The following NUDT19 variants were observed in gnomAD, a reference collection of about 807,000 sequenced individuals.
NUDT19 encodes nudix hydrolase 19, also known as acyl-coenzyme A diphosphatase NUDT19.
In NUDT19, 31 loss-of-function variants were observed where a neutral mutation model predicts 22.2. The observed-to-expected ratio is 1.40, with a 90% confidence interval of 1.05 to 1.89. The LOEUF (loss-of-function observed/expected upper bound fraction) is 1.89. Among genes scored for constraint, NUDT19 ranks in the 40% most tolerant of loss-of-function variants. NUDT19 has a pLI of 0.00. For missense variants in NUDT19, 752 were observed against 514.2 expected (o/e 1.46, Z -4.47); for synonymous variants, 325 against 230.8 (o/e 1.41, Z -3.70).
In NUDT19 at chr19:32,696,159, G is replaced by A. The variant is rs565055168; in HGVS notation, c.714+3485G>A. Among the ~76,000 whole-genome samples, 7 of 152,348 alleles carry A rather than the reference G, an allele frequency of 4.6e-5. No homozygotes were observed. In the South Asian group the frequency reaches 6.2e-4, roughly 14 times the overall value. On this transcript the variant is annotated intron_variant, in intron 1 of 2. Coordinates refer to ENST00000397061, the MANE Select transcript of NUDT19 (RefSeq NM_001105570.2). ...AGTGGCAGGGCTGAGGGCCACACAT[G>A]TATGCACTTGAAGCACTGGTCACTC...
In NUDT19 at chr19:32,692,015, G is replaced by A. The variant is rs1968187256; in HGVS notation, c.55G>A (p.Val19Ile). 7.9e-7 allele frequency: 1 copy of A among 1,257,918 alleles called. No individual in the cohort carries two copies. Among genetic ancestry groups the A allele is most frequent in the Non-Finnish European group, 9.9e-7 (1 of 1,005,878 alleles). 77.9% of individuals were successfully genotyped at this position (1,257,918 alleles called of 1,614,324 possible). A position where few individuals can be genotyped will look rare whatever the true frequency, so the allele number is the denominator to read the frequency against. ...PSRWRRAASI[V>I]LAAGWSRPET... ...CCGCTGGCGGCGGGCGGCCAGCATC[G>A]TCCTGGCGGCTGGCTGGTCGCGCCC... Residue 19 changes from valine to isoleucine, a missense_variant, in exon 1 of 3, where the codon GTC becomes ATC. Transcript: ENST00000397061.
intron 2 of NUDT19, among the ~76,000 whole-genome samples, chr19:32,710,380 AAAAT>A (rs1048935780): frequency 1.7e-4 from 25 of 150,500 alleles, no homozygotes; most frequent in African/African-American, 6.1e-4. Flanking sequence ...AATTATGAAG[AAAAT>A]AAAGTAAAAT....
rs1968191605 is a variant in NUDT19, at chr19:32,692,148, C to G, written c.188C>G (p.Ser63Cys). The G allele has an allele frequency of 1.3e-6, 2 of 1,503,404 alleles. No individual in the cohort carries two copies. The highest frequency in any genetic ancestry group is 1.8e-6 in the Non-Finnish European group (2 of 1,135,736). The allele number at this position is 1,503,404 out of a possible 1,614,324, so 93.1% of individuals were successfully genotyped here. A position where few individuals can be genotyped will look rare whatever the true frequency, so the allele number is the denominator to read the frequency against. Residue 63 changes from serine (S) to cysteine (C), a missense_variant, in exon 1 of 3, where the codon TCC becomes TGC. Coordinates refer to ENST00000397061, the MANE Select transcript of NUDT19 (RefSeq NM_001105570.2). ...TTCATGCCGGGCGCGCACGTCTTCT[C>G]CGGCGGAGTGCTGGATGCGGCCGAC... ...QGFMPGAHVF[S>C]GGVLDAADRS...
intron 1 of NUDT19, among the ~76,000 whole-genome samples, chr19:32,699,765 G>A (rs951903363): frequency 1.3e-4 from 20 of 152,152 alleles, no homozygotes; most frequent in African/African-American, 4.1e-4. Flanking sequence ...TCTTGGTTTC[G>A]CTGACTTCAA....
chr19:32,703,556 T>C (rs1243921947), intron 1 of NUDT19, among the ~76,000 whole-genome samples: 8 of 149,596 alleles, frequency 5.3e-5, no homozygotes, highest in Non-Finnish European at 8.9e-5. Context: ...TCCATGTTGG[T>C]CAGGCTGGTC....
intron 2 of NUDT19, among the ~76,000 whole-genome samples, chr19:32,711,417 C>T (rs908156639): frequency 6.6e-6 from 1 of 151,888 alleles, no homozygotes; most frequent in Non-Finnish European, 1.5e-5. Flanking sequence ...GAGCCGAGAT[C>T]GCGCCACTGC....
chr19:32,704,737 T>C (rs1034899865), intron 1 of NUDT19, among the ~76,000 whole-genome samples: 2 of 152,228 alleles, frequency 1.3e-5, no homozygotes, highest in African/African-American at 4.8e-5. Flanking sequence ...TCATCATGTC[T>C]TGCAATTTTT....
rs1968205199 is a variant in NUDT19, at chr19:32,692,496, T to G, written c.536T>G (p.Leu179Arg). The G allele has an allele frequency of 6.4e-7, 1 of 1,552,660 alleles. No individual in the cohort carries two copies. The change falls in exon 1 of 3, where the codon CTG becomes CGG. Residue 179 changes from leucine (L) to arginine (R), a missense_variant. Coordinates refer to ENST00000397061, the MANE Select transcript of NUDT19 (RefSeq NM_001105570.2). ...GTGCGCCAGGACCCGCGCCACTTCC[T>G]GCGGCTGTGCGCCCACCTCGACTGC... ...DRVRQDPRHF[L>R]RLCAHLDCTP... is the part of the protein sequence containing the mutation.
At chr19:32,703,518 T>C (rs1009619694) in intron 1 of NUDT19, among the ~76,000 whole-genome samples, 1 of 151,544 alleles carries the variant, frequency 6.6e-6, no homozygotes, top group Non-Finnish European at 1.5e-5. Context: ...GCCAGCCAAT[T>C]TTGTATTTTC....
intron 1 of NUDT19, among the ~76,000 whole-genome samples, chr19:32,696,460 C>T (rs1252366201): frequency 6.6e-6 from 1 of 152,140 alleles, no homozygotes; most frequent in Non-Finnish European, 1.5e-5. Flanking sequence ...TTCCTGCTCT[C>T]TCTGTGACGT....
chr19:32,697,472 G>C (rs1968278012), intron 1 of NUDT19, among the ~76,000 whole-genome samples: 1 of 152,246 alleles, frequency 6.6e-6, no homozygotes, highest in East Asian at 1.9e-4. Flanking sequence ...AGTTATGGTG[G>C]ACATCATTGA....
Position 32,709,379 on chromosome 19 carries a change from C to T in NUDT19, c.909C>T (p.Val303=). 1 of 1,613,740 alleles carries T rather than the reference C, an allele frequency of 6.2e-7. No homozygotes were observed. The highest frequency in any genetic ancestry group is 8.5e-7 in the Non-Finnish European group (1 of 1,179,732). The stretch of plus-strand genomic sequence containing the variant: ...TCTTGTTAACTGCTGATGGGATGGT[C>T]CATCTTTTACCAGGTAAACCAGTGA... ...PIILLTADGM[V]HLLPGDELYL... is the part of the protein sequence containing the mutation. The change falls in exon 2 of 3, where the codon GTC becomes GTT. Residue 303 remains valine, a synonymous_variant. Transcript: ENST00000397061.
At chr19:32,709,540 A>G (rs1968424069) in intron 2 of NUDT19, 148 bp downstream of exon 2, 4 of 639,654 alleles carry the variant, frequency 6.3e-6, no homozygotes, top group Non-Finnish European at 1.1e-5. Context: ...AAGCCTATAA[A>G]ATATCCATAT....
rs527739430 is a variant in NUDT19, at chr19:32,704,260, G to C, written c.715-4925G>C. ...GGAGAGGTCTGTTACCACTCTTGCAGGTAACTTTTTTTTTTTTTTTAGACA... is the reference window on the plus strand; with the variant it reads ...GGAGAGGTCTGTTACCACTCTTGCACGTAACTTTTTTTTTTTTTTTAGACA... On this transcript the variant is annotated intron_variant, in intron 1 of 2. Transcript: ENST00000397061. Among the ~76,000 whole-genome samples the C allele has an allele frequency of 3.8e-4, 57 of 151,822 alleles. No homozygotes were observed. The East Asian group carries it at 0.011, about 29-fold the overall frequency.
intron 1 of NUDT19, among the ~76,000 whole-genome samples, chr19:32,694,482 T>C (rs1224111048): frequency 6.6e-6 from 1 of 151,930 alleles, no homozygotes; most frequent in Non-Finnish European, 1.5e-5. Flanking sequence ...ACTTTGAGAG[T>C]GTGTGGTAGT....
chr19:32,702,021 T>A (rs1196027127), intron 1 of NUDT19, among the ~76,000 whole-genome samples: 1 of 151,848 alleles, frequency 6.6e-6, no homozygotes, highest in Non-Finnish European at 1.5e-5. Flanking sequence ...TGTGCGGGGG[T>A]CTGTCCTGCA....
chr19:32,692,885 C>T (rs918593670), intron 1 of NUDT19, among the ~76,000 whole-genome samples: 1 of 152,220 alleles, frequency 6.6e-6, no homozygotes, highest in Non-Finnish European at 1.5e-5. Flanking sequence ...GCTTTGGGGT[C>T]TCAAGGCCTG....
chr19:32,692,148 C>A lies in NUDT19; in HGVS notation c.188C>A (p.Ser63Tyr). 6.7e-7 allele frequency: 1 copy of A among 1,503,512 alleles called. No individual in the cohort carries two copies. Among genetic ancestry groups the A allele is most frequent in the South Asian group, 1.2e-5 (1 of 80,336 alleles). 93.1% of individuals were successfully genotyped at this position (1,503,512 alleles called of 1,614,324 possible). A position where few individuals can be genotyped will look rare whatever the true frequency, so the allele number is the denominator to read the frequency against. Residue 63 changes from serine to tyrosine, a missense_variant, in exon 1 of 3, where the codon TCC (serine) becomes TAC (tyrosine). Transcript: ENST00000397061. ...QGFMPGAHVF[S>Y]GGVLDAADRS... ...TTCATGCCGGGCGCGCACGTCTTCT[C>A]CGGCGGAGTGCTGGATGCGGCCGAC...
Position 32,692,414 on chromosome 19 carries a change from C to T in NUDT19, c.454C>T (p.Pro152Ser), listed in dbSNP as rs749687457. Residue 152 changes from proline to serine, a missense_variant, in exon 1 of 3, where the codon CCC becomes TCC. Transcript: ENST00000397061. ...RPRTSPPGPA[P>S]GPGLALEPPP... The stretch of plus-strand genomic sequence containing the variant: ...CAGGACTTCCCCACCAGGCCCAGCA[C>T]CCGGGCCTGGCCTCGCCCTGGAGCC... 5.1e-6 allele frequency: 8 copies of T among 1,562,252 alleles called. No individual in the cohort carries two copies. Among genetic ancestry groups the T allele is most frequent in the South Asian group, 1.1e-5 (1 of 87,564 alleles).
Sources: gnomAD v4.1 joint callset for allele counts (sites outside exome capture counted in the v4.1 genomes callset) on GRCh38, gnomAD v4.1.1 for gene constraint, MANE v1.5 for transcripts, NCBI Gene and HGNC (gene_info 2026-07-23, HGNC 2026-07-21) for gene names.